The following C8orf34 variants were observed in gnomAD, a reference collection of about 807,000 sequenced individuals.
The protein encoded by C8orf34 is chromosome 8 open reading frame 34.
In C8orf34, 65 loss-of-function variants were observed where a neutral mutation model predicts 68.3. The ratio of observed to expected loss-of-function variants is 0.95; its 90% confidence interval spans 0.78 to 1.17. The LOEUF (loss-of-function observed/expected upper bound fraction) is 1.17. Ranked by LOEUF, C8orf34 falls within the 50% of genes most tolerant of loss-of-function variation. The pLI is 0.00. For synonymous variants in C8orf34, 244 were observed against 241.2 expected, an observed-to-expected ratio of 1.01 and a Z score of -0.11; for missense variants, 664 against 655.4, an observed-to-expected ratio of 1.01 and a Z score of -0.14.
At chr8:68,576,249 A>ATGAAAGTTCTGTGGTCAAAATTC (rs1563539853) in intron 7 of C8orf34, among the ~76,000 whole-genome samples, 1 of 148,400 alleles carries the variant, frequency 6.7e-6, no homozygotes, top group African/African-American at 2.6e-5. Flanking sequence ...CTAACATTGT[A>ATGAAAGTTCTGTGGTCAAAATTC]ATTATGTAGA....
intron 10 of C8orf34, among the ~76,000 whole-genome samples, chr8:68,730,770 G>C (rs543799483): frequency 2.0e-4 from 31 of 152,164 alleles, no homozygotes; most frequent in African/African-American, 7.0e-4. Flanking sequence ...ATAATGGGAA[G>C]GGAGTGTGGC....
intron 10 of C8orf34, among the ~76,000 whole-genome samples, chr8:68,772,183 T>C (rs1007109642): frequency 6.6e-6 from 1 of 152,194 alleles, no homozygotes; most frequent in African/African-American, 2.4e-5. Context: ...CTGGTAGAAG[T>C]AGGTTTCTCA....
chr8:68,577,090 A>G (rs1816926545), intron 7 of C8orf34, among the ~76,000 whole-genome samples: 1 of 152,032 alleles, frequency 6.6e-6, no homozygotes, highest in Non-Finnish European at 1.5e-5. Context: ...CAATATCTTC[A>G]GGACGTTTAT....
chr8:68,444,572 G>C (rs918868939), intron 2 of C8orf34, among the ~76,000 whole-genome samples: 3 of 151,900 alleles, frequency 2.0e-5, no homozygotes, highest in Admixed American at 1.3e-4. Context: ...ACTCTTCTTT[G>C]TTCTCTCTCC....
At chr8:68,405,200 G>A (rs1470358241) in intron 1 of C8orf34, among the ~76,000 whole-genome samples, 1 of 152,052 alleles carries the variant, frequency 6.6e-6, no homozygotes, top group Non-Finnish European at 1.5e-5. Context: ...ATCAATGTTA[G>A]CTTAGATTTA....
rs185482756 is a variant in C8orf34 at position 68,445,485 on chromosome 8, T to C, written c.476-844T>C. ...AAACATGAAATTCTTGTAAAAGAAG[T>C]CAAGAGGGATGAACTCTTGAAACAC... On this transcript the variant is annotated intron_variant, in intron 2 of 13. Coordinates refer to ENST00000518698, the MANE Select transcript of C8orf34 (RefSeq NM_052958.4). Among the ~76,000 whole-genome samples, 272 of 152,224 alleles carry C rather than the reference T, an allele frequency of 1.8e-3. 1 individual carries two copies. Among genetic ancestry groups the C allele is most frequent in the Non-Finnish European group, 2.9e-3 (196 of 67,982 alleles).
intron 7 of C8orf34, among the ~76,000 whole-genome samples, chr8:68,620,370 G>A (rs1044449453): frequency 2.6e-5 from 4 of 152,188 alleles, no homozygotes; most frequent in East Asian, 3.9e-4. Context: ...TGGGAGTGAA[G>A]GTGGAGCTGA....
At chr8:68,618,289 C>T (rs1435433610) in intron 7 of C8orf34, among the ~76,000 whole-genome samples, 3 of 151,994 alleles carry the variant, frequency 2.0e-5, no homozygotes, top group Admixed American at 6.6e-5. Flanking sequence ...ATTTTGCTCT[C>T]CCATTTTCCT....
chr8:68,484,455 A>AGAGTCCTACCCTC (rs756236018), intron 4 of C8orf34, among the ~76,000 whole-genome samples: 92 of 152,192 alleles, frequency 6.0e-4, no homozygotes, highest in Non-Finnish European at 1.2e-3. Flanking sequence ...GTGCTCATTA[A>AGAGTCCTACCCTC]GAGTCCTACC....
chr8:68,751,878 A>G (rs1020686005), intron 10 of C8orf34, among the ~76,000 whole-genome samples: 1 of 151,172 alleles, frequency 6.6e-6, no homozygotes, highest in African/African-American at 2.4e-5. Flanking sequence ...TTTGAATTTT[A>G]AAAAATTATT....
At chr8:68,451,469 G>A (rs1811342334) in intron 3 of C8orf34, among the ~76,000 whole-genome samples, 1 of 152,028 alleles carries the variant, frequency 6.6e-6, no homozygotes, top group African/African-American at 2.4e-5. Context: ...TCTATCTTTT[G>A]CAGAGACCTG....
chr8:68,334,893 C>T (rs918448255), intron 1 of C8orf34, among the ~76,000 whole-genome samples: 2 of 152,194 alleles, frequency 1.3e-5, no homozygotes, highest in African/African-American at 4.8e-5. Flanking sequence ...TGTTGCCCAG[C>T]TTGCTCTTCT....
chr8:68,661,890 T>C (rs1819690757), intron 8 of C8orf34, among the ~76,000 whole-genome samples: 1 of 152,078 alleles, frequency 6.6e-6, no homozygotes, highest in Non-Finnish European at 1.5e-5. Flanking sequence ...AATATGACTG[T>C]AGGAGAACAA....
chr8:68,532,939 T>G, intron 6 of C8orf34, 44 bp from the exon 7 acceptor site: 1 of 1,366,890 alleles, frequency 7.3e-7, no homozygotes, highest in Non-Finnish European at 1.0e-6. Flanking sequence ...TTTGTAGATT[T>G]TCTTTACTTA....
intron 10 of C8orf34, among the ~76,000 whole-genome samples, chr8:68,730,069 T>C (rs1455251006): frequency 1.3e-5 from 2 of 152,120 alleles, no homozygotes; most frequent in Non-Finnish European, 2.9e-5. Flanking sequence ...GCAATGTCCA[T>C]CTATAATGGA....
In C8orf34 at chr8:68,751,154, C is replaced by T. The variant is rs376866669; in HGVS notation, c.1405-25245C>T. On this transcript the variant is annotated intron_variant, in intron 10 of 13. Coordinates refer to ENST00000518698, the MANE Select transcript of C8orf34 (RefSeq NM_052958.4). ...ATATCTCAGAGTTTTAGGAAATTCA[C>T]GTTGTGTTTAACGCTAGTGGACCCC... Among the ~76,000 whole-genome samples the T allele has an allele frequency of 1.4e-4, 21 of 152,248 alleles. No individual in the cohort carries two copies. In the South Asian group the frequency reaches 2.1e-3, roughly 15 times the overall value.
chr8:68,633,518 G>A (rs548403022), intron 7 of C8orf34, among the ~76,000 whole-genome samples: 4 of 152,094 alleles, frequency 2.6e-5, no homozygotes, highest in East Asian at 1.9e-4. Flanking sequence ...AATTCCCATC[G>A]GTTGATTTTT....
chr8:68,687,965 C>G (rs1435120690), intron 8 of C8orf34, among the ~76,000 whole-genome samples: 1 of 151,852 alleles, frequency 6.6e-6, no homozygotes, highest in Non-Finnish European at 1.5e-5. Context: ...AAAAAGTGGG[C>G]AAAGGACAGG....
chr8:68,765,768 C>A (rs761394480), intron 10 of C8orf34, among the ~76,000 whole-genome samples: 7 of 152,290 alleles, frequency 4.6e-5, no homozygotes, highest in Non-Finnish European at 8.8e-5. Context: ...CTGCAGATAG[C>A]ATTTTCTCTA....
Sources: gnomAD v4.1 joint callset for allele counts (sites outside exome capture counted in the v4.1 genomes callset) on GRCh38, gnomAD v4.1.1 for gene constraint, MANE v1.5 for transcripts, NCBI Gene and HGNC (gene_info 2026-07-23, HGNC 2026-07-21) for gene names.